ACOXL: variants seen among roughly 807,000 people sequenced by gnomAD.
ACOXL encodes the protein acyl-coenzyme A oxidase-like protein.
A neutral mutation model predicts 71.9 loss-of-function variants in ACOXL; 70 were observed. That is an observed-to-expected ratio of 0.97 (90% confidence interval 0.80 to 1.19). The LOEUF (loss-of-function observed/expected upper bound fraction) is 1.19. Ranked by LOEUF, ACOXL falls within the 50% of genes most tolerant of loss-of-function variation. ACOXL has a pLI of 0.00. For missense variants in ACOXL, 703 were observed against 736.3 expected (o/e 0.95, Z 0.52); for synonymous variants, 253 against 281.6 (o/e 0.90, Z 1.02).
chr2:111,096,948 G>A (rs1054606479), intron 17 of ACOXL, among the ~76,000 whole-genome samples: 8 of 152,168 alleles, frequency 5.3e-5, no homozygotes, highest in African/African-American at 1.7e-4. Flanking sequence ...AGCTTGTCAC[G>A]GTGAGGATCT....
rs67285328 is a variant in ACOXL, at chr2:110,955,933, ATTTTTT to A, written c.1059+22309_1059+22314del. On this transcript the variant is annotated intron_variant, in intron 12 of 17. Transcript: ENST00000439055. The stretch of plus-strand genomic sequence containing the variant: ...TTTTCCTTTCTGGAACTTGCCACAG[ATTTTTT>A]TTTTTTTTTTTTTTTTTGAGATGGA... Among the ~76,000 whole-genome samples the A allele has an allele frequency of 2.4e-3, 242 of 101,762 alleles. 5 individuals are homozygous for A. The East Asian group carries it at 0.049, about 21-fold the overall frequency. The allele number at this position is 101,762 out of a possible 152,430, so 66.8% of individuals were successfully genotyped here.
intron 12 of ACOXL, among the ~76,000 whole-genome samples, chr2:110,962,712 G>T (rs2061748727): frequency 6.6e-6 from 1 of 152,208 alleles, no homozygotes; most frequent in South Asian, 2.1e-4. Context: ...CTGCCCCTGG[G>T]CCTCTGTGGC....
At chr2:110,886,419 G>T (rs947037493) in intron 10 of ACOXL, among the ~76,000 whole-genome samples, 1 of 137,534 alleles carries the variant, frequency 7.3e-6, no homozygotes, top group Non-Finnish European at 1.5e-5. Flanking sequence ...ACTCTGTTGC[G>T]CAGGCTGGAG....
intron 14 of ACOXL, among the ~76,000 whole-genome samples, chr2:110,998,435 C>G (rs1026798207): frequency 2.0e-5 from 3 of 152,216 alleles, no homozygotes; most frequent in Non-Finnish European, 4.4e-5. Flanking sequence ...GACTCAAAGA[C>G]ACTCCAGTGC....
At chr2:110,768,608 CG>C (rs1573421319) in intron 2 of ACOXL, 144 bp downstream of exon 2, 1 of 705,836 alleles carries the variant, frequency 1.4e-6, no homozygotes, top group East Asian at 2.8e-5. Flanking sequence ...GGGTAAATTG[CG>C]TGTTATGGAG....
At chr2:111,037,828 T>A (rs2065592627) in intron 15 of ACOXL, among the ~76,000 whole-genome samples, 1 of 152,200 alleles carries the variant, frequency 6.6e-6, no homozygotes, top group South Asian at 2.1e-4. Flanking sequence ...CCGCACTCTT[T>A]AAGAGGTTTC....
chr2:110,795,173 G>T (rs1288004110), intron 5 of ACOXL, among the ~76,000 whole-genome samples: 1 of 152,154 alleles, frequency 6.6e-6, no homozygotes, highest in African/African-American at 2.4e-5. Context: ...CTTTATTTTT[G>T]CAGTTTGTCC....
At chr2:111,080,932 C>A (rs2067879485) in intron 16 of ACOXL, among the ~76,000 whole-genome samples, 1 of 152,190 alleles carries the variant, frequency 6.6e-6, no homozygotes, top group Non-Finnish European at 1.5e-5. Context: ...ACATGATTAT[C>A]TCAATAGATA....
At chr2:110,762,495 A>G (rs1680535662) in intron 1 of ACOXL, among the ~76,000 whole-genome samples, 1 of 151,986 alleles carries the variant, frequency 6.6e-6, no homozygotes, top group Non-Finnish European at 1.5e-5. Context: ...GTTTTAGGGT[A>G]TATCGCATTC....
At chr2:110,784,406 C>G (rs1683698585) in intron 2 of ACOXL, among the ~76,000 whole-genome samples, 1 of 152,174 alleles carries the variant, frequency 6.6e-6, no homozygotes, top group African/African-American at 2.4e-5. Context: ...ACACCAGGAG[C>G]TGGGAGGGAC....
chr2:110,989,817 G>A (rs1462894044), intron 13 of ACOXL, among the ~76,000 whole-genome samples: 2 of 152,266 alleles, frequency 1.3e-5, no homozygotes, highest in Middle Eastern at 3.4e-3. Flanking sequence ...GAGACGGGTG[G>A]ATCACCTGAG....
chr2:110,867,188 C>T (rs1031866291), intron 10 of ACOXL, among the ~76,000 whole-genome samples: 7 of 152,098 alleles, frequency 4.6e-5, no homozygotes, highest in Non-Finnish European at 8.8e-5. Flanking sequence ...ATGAGGGAGG[C>T]AAGGAAGGGA....
intron 16 of ACOXL, among the ~76,000 whole-genome samples, chr2:111,067,877 G>A (rs1558933514): frequency 1.3e-5 from 2 of 152,314 alleles, no homozygotes; most frequent in East Asian, 3.9e-4. Context: ...CTGTGAATTG[G>A]GAGTGCGGGG....
Position 111,118,264 on chromosome 2 carries a change from T to C in ACOXL, c.*448T>C, listed in dbSNP as rs79791878. 25 of 171,932 alleles carry C rather than the reference T, an allele frequency of 1.5e-4. No homozygotes were observed. In the East Asian group the frequency reaches 4.4e-3, roughly 30 times the overall value. The allele number at this position is 171,932 out of a possible 1,614,324, so 10.7% of individuals were successfully genotyped here. ...ACACCCTTAGACAAAAGAAAAAAGC[T>C]CCACTCTTTCCGCGAGCGGGAAAAA... On this transcript the variant is annotated 3_prime_UTR_variant, in exon 18 of 18. Coordinates refer to ENST00000439055, the MANE Select transcript of ACOXL (RefSeq NM_001142807.4).
intron 9 of ACOXL, among the ~76,000 whole-genome samples, chr2:110,814,223 T>C (rs1344329618): frequency 6.6e-6 from 1 of 152,192 alleles, no homozygotes; most frequent in Admixed American, 6.5e-5. Context: ...GGCCTCCTTC[T>C]CCACTGTGAC....
chr2:110,822,785 C>T lies in ACOXL; in HGVS notation c.753+17390C>T, dbSNP rs183404604. On this transcript the variant is annotated intron_variant, in intron 9 of 17. Transcript: ENST00000439055. ...TATCATAGAGAGTAGCTTCACCACC[C>T]CCAAATAATACCCTGTGCTTTGTCT... Among the ~76,000 whole-genome samples the T allele has an allele frequency of 4.2e-3, 644 of 152,264 alleles. 2 individuals are homozygous for T. Among genetic ancestry groups the T allele is most frequent in the Non-Finnish European group, 5.4e-3 (366 of 68,026 alleles).
intron 12 of ACOXL, among the ~76,000 whole-genome samples, chr2:110,959,552 A>G (rs796873086): frequency 2.0e-5 from 3 of 151,928 alleles, no homozygotes; most frequent in African/African-American, 7.2e-5. Flanking sequence ...CACCTGGGCT[A>G]TTTTTCTGTG....
intron 12 of ACOXL, among the ~76,000 whole-genome samples, chr2:110,944,073 T>A (rs113941914): frequency 4.3e-4 from 65 of 152,276 alleles, no homozygotes; most frequent in African/African-American, 1.4e-3. Flanking sequence ...TTATTTTTAT[T>A]TTTTGAGACA....
At chr2:111,094,892 T>C (rs562525918) in intron 17 of ACOXL, among the ~76,000 whole-genome samples, 2 of 152,152 alleles carry the variant, frequency 1.3e-5, no homozygotes, top group Non-Finnish European at 2.9e-5. Flanking sequence ...TCTCCTTCCA[T>C]GTAGCCTAGT....
Sources: allele counts gnomAD v4.1 joint callset (sites outside exome capture counted in the v4.1 genomes callset), GRCh38; gene constraint gnomAD v4.1.1; transcripts MANE v1.5; gene names NCBI Gene and HGNC (gene_info 2026-07-23, HGNC 2026-07-21).